Variants in NFASC observed in about 807,000 individuals in gnomAD.
NFASC encodes the protein neurofascin homolog.
A neutral mutation model predicts 147.5 loss-of-function variants in NFASC; 43 were observed. The ratio of observed to expected loss-of-function variants is 0.29; its 90% CI spans 0.23 to 0.38. The LOEUF is 0.38. Ranked by LOEUF, NFASC falls within the 10% of genes least tolerant of loss-of-function variation. The pLI is 1.00. For synonymous variants in NFASC, 622 were observed against 665.5 expected (o/e 0.93, Z 1.01); for missense variants, 1,320 against 1,689.0 (o/e 0.78, Z 3.83).
intron 2 of NFASC, among the ~76,000 whole-genome samples, chr1:204,926,679 GC>G (rs1573148996): frequency 6.6e-6 from 1 of 151,178 alleles, no homozygotes; most frequent in Non-Finnish European, 1.5e-5. Flanking sequence ...CTCCTAAAGT[GC>G]TGGGATTACA....
chr1:204,978,762 G>GT (rs1240715095), intron 17 of NFASC, among the ~76,000 whole-genome samples: 2 of 152,234 alleles, frequency 1.3e-5, no homozygotes, highest in East Asian at 3.9e-4. Context: ...TGTGGGGGGG[G>GT]GCTGGGATTT....
intron 1 of NFASC, chr1:204,871,056 T>A: frequency 7.8e-7 from 1 of 1,289,822 alleles, no homozygotes; most frequent in Non-Finnish European, 1.0e-6. Flanking sequence ...AGACCATGGC[T>A]CCTTCAGGAG....
rs1332269747 is a variant in NFASC at position 205,020,739 on chromosome 1, G to C, written c.*4200G>C. ...TGTGAGGCTGCTTTGCTAACTCTCTGAGGAGAGGAAGCCTCTCGGGCTTTC... is the reference window on the plus strand; with the variant it reads ...TGTGAGGCTGCTTTGCTAACTCTCTCAGGAGAGGAAGCCTCTCGGGCTTTC... On this transcript the variant is annotated 3_prime_UTR_variant, in exon 30 of 30. Transcript: ENST00000339876. 1 of 152,218 alleles carries C rather than the reference G, an allele frequency of 6.6e-6. No individual in the cohort carries two copies. The highest frequency in any genetic ancestry group is 1.5e-5 in the Non-Finnish European group (1 of 68,042). The allele number at this position is 152,218 out of a possible 1,614,324, so 9.4% of individuals were successfully genotyped here. A position where few individuals can be genotyped will look rare whatever the true frequency, so the allele number is the denominator to read the frequency against.
intron 2 of NFASC, among the ~76,000 whole-genome samples, chr1:204,929,697 A>G (rs914720811): frequency 2.6e-5 from 4 of 152,088 alleles, no homozygotes; most frequent in Non-Finnish European, 5.9e-5. Flanking sequence ...TCCCTGGGGA[A>G]TGGGAGCTGG....
intron 1 of NFASC, among the ~76,000 whole-genome samples, chr1:204,911,404 A>G (rs748292759): frequency 6.6e-6 from 1 of 152,110 alleles, no homozygotes; most frequent in Admixed American, 6.5e-5. Flanking sequence ...TATTTAAGAA[A>G]TGGAGGTCTC....
chr1:205,006,202 G>A (rs556755973), intron 27 of NFASC, among the ~76,000 whole-genome samples: 28 of 152,272 alleles, frequency 1.8e-4, no homozygotes, highest in Admixed American at 4.6e-4. Context: ...AGTATGCCAG[G>A]TTAACTGTAT....
chr1:204,854,385 C>A lies in NFASC; in HGVS notation c.-200+25603C>A, dbSNP rs534778229. ...AGACCCCGGTTGCGTTGCCTTCCCC[C>A]ACCCTCCTGACCTGGGAAATCCTCT... On this transcript the variant is annotated intron_variant, in intron 1 of 29. Transcript: ENST00000339876. Among the ~76,000 whole-genome samples the A allele has an allele frequency of 3.3e-5, 5 of 152,290 alleles. No individual in the cohort carries two copies. In the South Asian group the frequency reaches 1.0e-3, roughly 32 times the overall value.
Position 204,974,185 on chromosome 1 carries a change from C to T in NFASC, c.1286C>T (p.Pro429Leu), listed in dbSNP as rs367856348. The T allele has an allele frequency of 1.7e-5, 28 of 1,613,256 alleles. No individual in the cohort carries two copies. Among genetic ancestry groups the T allele is most frequent in the East Asian group, 4.5e-5 (2 of 44,866 alleles). ...GCTTCTCTGGGAATTTCAGATGTGC[C>T]GCCTCGGATGCTGTCGCCCCGGAAC... The part of the protein sequence containing the change: ...ANAFVSVLDV[P>L]PRMLSPRNQL... Residue 429 changes from proline (P) to leucine (L), a missense_variant, in exon 13 of 30, where the codon CCG becomes CTG. Physicochemically the swap from Pro to Leu is moderately conservative, Grantham distance 98. Transcript: ENST00000339876.
chr1:204,996,347 T>G (rs1398901713), intron 24 of NFASC, among the ~76,000 whole-genome samples: 1 of 152,160 alleles, frequency 6.6e-6, no homozygotes, highest in African/African-American at 2.4e-5. Context: ...GTGGTGCTGC[T>G]GAGTGCGGGT....
chr1:204,979,909 T>C lies in NFASC; in HGVS notation c.2176+350T>C, dbSNP rs2095479761. On this transcript the variant is annotated intron_variant, in intron 19 of 29. Coordinates refer to ENST00000339876, the MANE Select transcript of NFASC (RefSeq NM_001005388.3). The surrounding 1 kb of genome is among the most constrained non-coding windows in gnomAD (Gnocchi z 6.0). ...TCAGTGTGAGAAATATATAAATTGG[T>C]ATTACATCAGATTTCTTTTCCTAAC... is the stretch of plus-strand genomic sequence containing the variant. Among the ~76,000 whole-genome samples the C allele has an allele frequency of 1.3e-5, 2 of 152,220 alleles. No homozygotes were observed. Among genetic ancestry groups the C allele is most frequent in the African/African-American group, 4.8e-5 (2 of 41,450 alleles).
At chr1:204,967,966 C>CGTAT in intron 8 of NFASC, 1 of 274,592 alleles carries the variant, frequency 3.6e-6, no homozygotes, top group South Asian at 5.6e-5. Context: ...ACAGCCCCTC[C>CGTAT]CCGTTCCAGG....
rs2095641803 is a variant in NFASC at position 204,987,569 on chromosome 1, A to C, written c.2593+29A>C. The stretch of plus-strand genomic sequence containing the variant: ...CGTTCTGCCCTTCCCTTTCTCTTAG[A>C]TAATCTGGGAACCAGAAACCCCATT... On this transcript the variant is annotated intron_variant, in intron 22 of 29. Coordinates refer to ENST00000339876, the MANE Select transcript of NFASC (RefSeq NM_001005388.3). This position sits in a 1 kb window ranked among gnomAD's most constrained non-coding sequence, Gnocchi z 4.4. 1.9e-6 allele frequency: 3 copies of C among 1,613,034 alleles called. No homozygotes were observed. Among genetic ancestry groups the C allele is most frequent in the Non-Finnish European group, 2.5e-6 (3 of 1,179,206 alleles).
intron 1 of NFASC, among the ~76,000 whole-genome samples, chr1:204,915,673 A>G (rs2089049849): frequency 6.6e-6 from 1 of 152,164 alleles, no homozygotes; most frequent in South Asian, 2.1e-4. Flanking sequence ...ATCCTGAGAG[A>G]CAGAGACAGA....
rs72751485 is a variant in NFASC, at chr1:204,967,750, G to A, written c.707-499G>A. ...TCCCTGCATTTCTGATTGATTGTGC[G>A]GGCTTTGTGACTCCATCCCAGCACC... On this transcript the variant is annotated intron_variant, in intron 8 of 29. Transcript: ENST00000339876. 5.5e-3 allele frequency: 841 copies of A among 152,894 alleles called. 13 individuals carry two copies. Among genetic ancestry groups the A allele is most frequent in the South Asian group, 0.01 (50 of 4,878 alleles). 9.5% of individuals were successfully genotyped at this position (152,894 alleles called of 1,614,324 possible). A position where few individuals can be genotyped will look rare whatever the true frequency, so the allele number is the denominator to read the frequency against.
chr1:204,962,287 CTCCAGAAGG>C, intron 8 of NFASC: 1 of 738,674 alleles, frequency 1.4e-6, no homozygotes, highest in Non-Finnish European at 2.3e-6. Context: ...AAGGTGACAC[CTCCAGAAGG>C]CTGCCTGCCA....
chr1:205,012,121 C>G (rs1364759558), intron 28 of NFASC, among the ~76,000 whole-genome samples: 1 of 152,218 alleles, frequency 6.6e-6, no homozygotes, highest in Non-Finnish European at 1.5e-5. Flanking sequence ...GTGCTGTGCA[C>G]TAGCGATACT....
In NFASC at chr1:205,002,626, A is replaced by T; in HGVS notation, c.3167A>T (p.Lys1056Met). Reference protein sequence around the residue: ...SNHTKKTVPVKAQAQPIQLTD... With the variant: ...SNHTKKTVPVMAQAQPIQLTD... ...CATACGAAAAAAACTGTCCCAGTTA[A>T]GGCCCAGGCTCAGCCTATACAGCTG... Residue 1056 changes from lysine to methionine, a missense_variant, in exon 27 of 30, where the codon AAG becomes ATG. Coordinates refer to ENST00000339876, the MANE Select transcript of NFASC (RefSeq NM_001005388.3). The T allele has an allele frequency of 6.5e-7, 1 of 1,543,768 alleles. No individual in the cohort carries two copies. The highest frequency in any genetic ancestry group is 1.2e-5 in the South Asian group (1 of 83,964).
intron 1 of NFASC, among the ~76,000 whole-genome samples, chr1:204,908,366 T>G (rs1558060154): frequency 6.6e-6 from 1 of 152,158 alleles, no homozygotes; most frequent in Non-Finnish European, 1.5e-5. Context: ...TGTTTATGCT[T>G]TAACTAACAT....
intron 12 of NFASC, 57 bp downstream of exon 12, chr1:204,973,476 C>T: frequency 6.3e-7 from 1 of 1,596,248 alleles, no homozygotes; most frequent in Non-Finnish European, 8.6e-7. Flanking sequence ...CACAGTCGCC[C>T]TGGGGCTTGG....
Sources: allele counts gnomAD v4.1 joint callset (sites outside exome capture counted in the v4.1 genomes callset), GRCh38; gene constraint gnomAD v4.1.1; non-coding constraint Gnocchi (gnomAD v3.1); transcripts MANE v1.5; gene names NCBI Gene and HGNC (gene_info 2026-07-23, HGNC 2026-07-21).